Variants in TLR3 observed in about 807,000 individuals in gnomAD.
TLR3 encodes toll like receptor 3, also known as toll-like receptor 3.
TLR3 carries 43 observed loss-of-function variants against 66.4 expected under a neutral mutation model. The observed-to-expected ratio is 0.65, with a 90% confidence interval of 0.51 to 0.83. TLR3 has a LOEUF of 0.83. Ranked by LOEUF, TLR3 falls within the 40% of genes least tolerant of loss-of-function variation. TLR3 has a pLI of 0.00. For missense variants in TLR3, 982 were observed against 1,044.6 expected, an observed-to-expected ratio of 0.94 and a Z score of 0.83; for synonymous variants, 397 against 397.2, an observed-to-expected ratio of 1.00 and a Z score of 0.01.
intron 2 of TLR3, among the ~76,000 whole-genome samples, chr4:186,078,551 C>A (rs2099302852): frequency 6.6e-6 from 1 of 152,088 alleles, no homozygotes; most frequent in Admixed American, 6.6e-5. Context: ...TTCCTTATAT[C>A]ATAAATAAGC....
intron 1 of TLR3, among the ~76,000 whole-genome samples, chr4:186,072,853 T>A (rs1463183397): frequency 2.6e-5 from 4 of 152,196 alleles, no homozygotes; most frequent in Non-Finnish European, 4.4e-5. Context: ...GCCAACAAAG[T>A]GCCAGGTCTT....
chr4:186,084,369 C>T (rs777800196), intron 4 of TLR3, among the ~76,000 whole-genome samples, 197 bp downstream of exon 4: 75 of 152,020 alleles, frequency 4.9e-4, no homozygotes, highest in Admixed American at 2.7e-3. Flanking sequence ...TACAGGCACG[C>T]GCCACCAAGC....
intron 2 of TLR3, among the ~76,000 whole-genome samples, chr4:186,077,810 C>G (rs1370789008): frequency 7.0e-6 from 1 of 142,040 alleles, no homozygotes; most frequent in Non-Finnish European, 1.5e-5. Context: ...CCATATTCAC[C>G]CTACAATGCT....
rs1388313930 is a variant in TLR3, at chr4:186,087,569, T to C, written c.*2696T>C. ...TTCACATTGCAAAACAAAACCCAAC[T>C]GAATCGACACTGAGTTTAAAATAAA... On this transcript the variant is annotated 3_prime_UTR_variant, in exon 5 of 5. Transcript: ENST00000296795. 6.6e-6 allele frequency: 1 copy of C among 152,202 alleles called. No homozygotes were observed. The highest frequency in any genetic ancestry group is 1.9e-4 in the East Asian group (1 of 5,200). 9.4% of individuals were successfully genotyped at this position (152,202 alleles called of 1,614,324 possible). A position where few individuals can be genotyped will look rare whatever the true frequency, so the allele number is the denominator to read the frequency against.
At chr4:186,071,910 T>C (rs1487128883) in intron 1 of TLR3, among the ~76,000 whole-genome samples, 1 of 152,244 alleles carries the variant, frequency 6.6e-6, no homozygotes, top group Non-Finnish European at 1.5e-5. Flanking sequence ...TTCATCTCCA[T>C]ACCTTGTGGG....
chr4:186,070,509 C>A (rs1338273912), intron 1 of TLR3, among the ~76,000 whole-genome samples: 3 of 151,754 alleles, frequency 2.0e-5, no homozygotes, highest in African/African-American at 7.3e-5. Flanking sequence ...CTCAGTGTCA[C>A]GAGTAGCTGG....
At position 186,083,672 on chromosome 4, in the gene TLR3, C is replaced by G. The variant is rs149490656; in HGVS notation, c.1986C>G (p.Asn662Lys). ...TTGCCTGGTTTGTTAATTGGATTAA[C>G]GAGACCCATACCAACATCCCTGAGC... Reference protein sequence around the residue: ...ESIAWFVNWINETHTNIPELS... With the variant: ...ESIAWFVNWIKETHTNIPELS... The change falls in exon 4 of 5, where the codon AAC becomes AAG. Residue 662 changes from asparagine to lysine, a missense_variant. This residue lies in a region of TLR3 where 666 missense variants were observed against 709.0 expected (regional missense o/e 0.94). Transcript: ENST00000296795. This position sits in a 1 kb window ranked among gnomAD's most constrained non-coding sequence, Gnocchi z 4.0. 4.4e-6 allele frequency: 7 copies of G among 1,597,458 alleles called. No individual in the cohort carries two copies. In the African/African-American group the frequency reaches 5.4e-5, roughly 12 times the overall value.
At position 186,082,950 on chromosome 4, in the gene TLR3, A is replaced by G; in HGVS notation, c.1264A>G (p.Ile422Val). The G allele has an allele frequency of 6.2e-7, 1 of 1,614,220 alleles. No homozygotes were observed. The highest frequency in any genetic ancestry group is 8.5e-7 in the Non-Finnish European group (1 of 1,180,038). Residue 422 changes from isoleucine (I) to valine (V), a missense_variant, in exon 4 of 5, where the codon ATA becomes GTA. Coordinates refer to ENST00000296795, the MANE Select transcript of TLR3 (RefSeq NM_003265.3). The part of the protein sequence containing the change: ...LNLTKNKISK[I>V]ESDAFSWLGH... ...CCTAACCAAGAATAAAATCTCAAAA[A>G]TAGAGAGTGATGCTTTCTCTTGGTT... is the stretch of plus-strand genomic sequence containing the variant.
rs759819677 is a variant in TLR3 at position 186,082,696 on chromosome 4, G to T, written c.1010G>T (p.Ser337Ile). Reference sequence around the variant, plus strand: ...TTGAAACGGTCTTTTACTAAACAAAGTATTTCCCTTGCCTCACTCCCCAAG... The same window carrying T: ...TTGAAACGGTCTTTTACTAAACAAATTATTTCCCTTGCCTCACTCCCCAAG... ...LNLKRSFTKQ[S>I]ISLASLPKID... is the part of the protein sequence containing the mutation. Residue 337 changes from serine (S) to isoleucine (I), a missense_variant, in exon 4 of 5, where the codon AGT (serine) becomes ATT (isoleucine). By Grantham distance (142) the Ser-to-Ile change is moderately radical. Transcript: ENST00000296795. 3.1e-6 allele frequency: 5 copies of T among 1,614,052 alleles called. No homozygotes were observed. Among genetic ancestry groups the T allele is most frequent in the Non-Finnish European group, 4.2e-6 (5 of 1,179,980 alleles).
At chr4:186,077,183 AT>A in intron 2 of TLR3, 123 bp downstream of exon 2, 1 of 1,005,878 alleles carries the variant, frequency 9.9e-7, no homozygotes, top group Non-Finnish European at 1.5e-6. Context: ...TGCCACAAAT[AT>A]TGCCATTATA....
In TLR3 at chr4:186,083,815, C is replaced by G. The variant is rs371358596; in HGVS notation, c.2129C>G (p.Thr710Ser). The G allele has an allele frequency of 1.4e-5, 22 of 1,613,872 alleles. No individual in the cohort carries two copies. The highest frequency in any genetic ancestry group is 1.8e-5 in the Non-Finnish European group (21 of 1,179,996). ...APFELFFMIN[T>S]SILLIFIFIV... ...TTTGAACTCTTTTTCATGATCAATA[C>G]CAGTATCCTGTTGATTTTTATCTTT... Residue 710 changes from threonine to serine, a missense_variant, in exon 4 of 5, where the codon ACC (threonine) becomes AGC (serine). By Grantham distance (58) the Thr-to-Ser change is moderately conservative. Around this residue, in one of 3 missense-constraint regions of TLR3, gnomAD observed 666 missense variants for 709.0 expected, o/e 0.94. Transcript: ENST00000296795. The surrounding 1 kb of genome is among the most constrained non-coding windows in gnomAD (Gnocchi z 4.0).
rs1318905138 is a variant in TLR3 at position 186,082,435 on chromosome 4, T to C, written c.749T>C (p.Ile250Thr). 1.2e-6 allele frequency: 2 copies of C among 1,613,986 alleles called. No individual in the cohort carries two copies. The highest frequency in any genetic ancestry group is 1.7e-6 in the Non-Finnish European group (2 of 1,180,028). ...TGTTTGGAATTAGCAAACACAAGCA[T>C]TCGGAATCTGTCTCTGAGTAACAGC... ...KLCLELANTS[I>T]RNLSLSNSQL... The change falls in exon 4 of 5, where the codon ATT becomes ACT. Residue 250 changes from isoleucine (I) to threonine (T), a missense_variant. Transcript: ENST00000296795.
intron 4 of TLR3, 64 bp from the exon 5 acceptor site, chr4:186,084,581 A>T: frequency 9.1e-7 from 1 of 1,095,828 alleles, no homozygotes; most frequent in Non-Finnish European, 1.4e-6. Flanking sequence ...GAGTATTTTT[A>T]AATAGTATTG....
intron 3 of TLR3, among the ~76,000 whole-genome samples, chr4:186,080,804 C>T (rs2099303292): frequency 6.6e-6 from 1 of 152,024 alleles, no homozygotes; most frequent in Non-Finnish European, 1.5e-5. Context: ...GTTGGCCAGG[C>T]TGGTCTCGAA....
intron 1 of TLR3, among the ~76,000 whole-genome samples, chr4:186,075,305 A>T (rs2099302270): frequency 6.6e-6 from 1 of 152,140 alleles, no homozygotes; most frequent in South Asian, 2.1e-4. Context: ...ATCTGCAGTG[A>T]CTATTTATTT....
At chr4:186,081,347 A>T (rs951956436) in intron 3 of TLR3, among the ~76,000 whole-genome samples, 4 of 151,842 alleles carry the variant, frequency 2.6e-5, no homozygotes, top group Non-Finnish European at 5.9e-5. Context: ...ACTGGCCTCC[A>T]TTCTCTCTGG....
rs905275194 is a variant in TLR3, at chr4:186,072,626, C to T, written c.-8+3378C>T. Among the ~76,000 whole-genome samples the T allele has an allele frequency of 1.8e-4, 27 of 152,198 alleles. No homozygotes were observed. In the South Asian group the frequency reaches 3.1e-3, roughly 18 times the overall value. Reference sequence around the variant, plus strand: ...CGCCCAACCACCACACACTTTTAAACGACCGAATCTCATAAGAATTCACTC... The same window carrying T: ...CGCCCAACCACCACACACTTTTAAATGACCGAATCTCATAAGAATTCACTC... On this transcript the variant is annotated intron_variant, in intron 1 of 4. Transcript: ENST00000296795.
chr4:186,075,260 T>G (rs2099302259), intron 1 of TLR3, among the ~76,000 whole-genome samples: 1 of 152,126 alleles, frequency 6.6e-6, no homozygotes, highest in Non-Finnish European at 1.5e-5. Context: ...GACGGCTAGA[T>G]TAGTAGGTGA....
intron 3 of TLR3, among the ~76,000 whole-genome samples, chr4:186,081,313 T>C (rs942870316): frequency 6.6e-6 from 1 of 151,508 alleles, no homozygotes; most frequent in African/African-American, 2.4e-5. Flanking sequence ...TTTACTCCTC[T>C]GGCGGTTTCG....
Sources: gnomAD v4.1 joint callset for allele counts (sites outside exome capture counted in the v4.1 genomes callset) on GRCh38, gnomAD v4.1.1 for gene constraint, gnomAD v4.1.1 regional missense constraint, Gnocchi (gnomAD v3.1) non-coding constraint, MANE v1.5 for transcripts, NCBI Gene and HGNC (gene_info 2026-07-23, HGNC 2026-07-21) for gene names.